The following CAMK1D variants were observed in gnomAD, a reference collection of about 807,000 sequenced individuals.
The protein encoded by CAMK1D is calcium/calmodulin dependent protein kinase ID.
CAMK1D carries 9 observed loss-of-function variants against 47.7 expected under a neutral mutation model. The observed-to-expected ratio is 0.19, with a 90% CI of 0.11 to 0.33. The LOEUF is 0.33. CAMK1D is among the 10% of genes least tolerant of loss of function. CAMK1D has a pLI of 1.00. For synonymous variants in CAMK1D, 184 were observed against 184.9 expected (o/e 0.99, Z 0.04); for missense variants, 291 against 488.7 (o/e 0.60, Z 3.81).
At chr10:12,577,190 C>T (rs924298033) in intron 2 of CAMK1D, among the ~76,000 whole-genome samples, 2 of 152,242 alleles carry the variant, frequency 1.3e-5, no homozygotes, top group Non-Finnish European at 2.9e-5. Flanking sequence ...CAAGCCAGGA[C>T]AAGCCCAGGG....
In CAMK1D at chr10:12,574,885, C is replaced by T. The variant is rs913755915; in HGVS notation, c.224+21529C>T. ...AGCGTGAGTGAAGGAGGAGATGCTG[C>T]ACGCTTCTAACAACCAGATCTCACG... On this transcript the variant is annotated intron_variant, in intron 2 of 10. Transcript: ENST00000619168. 5.3e-5 allele frequency among the ~76,000 whole-genome samples: 8 copies of T among 152,034 alleles called. No homozygotes were observed. In the South Asian group the frequency reaches 8.3e-4, roughly 16 times the overall value.
intron 1 of CAMK1D, among the ~76,000 whole-genome samples, chr10:12,464,462 C>G (rs1219448724): frequency 6.6e-6 from 1 of 152,170 alleles, no homozygotes; most frequent in Non-Finnish European, 1.5e-5. Context: ...TACCCTCCCC[C>G]ACCACGTGTA....
At chr10:12,816,199 A>G in intron 7 of CAMK1D, 51 bp from the exon 8 acceptor site, 1 of 1,489,278 alleles carries the variant, frequency 6.7e-7, no homozygotes, top group East Asian at 2.3e-5. Flanking sequence ...TCATATTGTC[A>G]CATCTCAAGT....
At position 12,520,015 on chromosome 10, in the gene CAMK1D, C is replaced by T. The variant is rs1343377109; in HGVS notation, c.93-33210C>T. ...CTCCTCACTTCCCAGTAGGGGCGGC[C>T]GGGCAGAGGAGCCCCTCACCTCCCG... On this transcript the variant is annotated intron_variant, in intron 1 of 10. Transcript: ENST00000619168. 6.0e-5 allele frequency among the ~76,000 whole-genome samples: 4 copies of T among 66,380 alleles called. No homozygotes were observed. In the East Asian group the frequency reaches 1.4e-3, roughly 23 times the overall value. The allele number at this position is 66,380 out of a possible 152,430, so 43.5% of individuals were successfully genotyped here. A position where few individuals can be genotyped will look rare whatever the true frequency, so the allele number is the denominator to read the frequency against.
At chr10:12,390,016 G>A (rs1464222466) in intron 1 of CAMK1D, among the ~76,000 whole-genome samples, 1 of 152,124 alleles carries the variant, frequency 6.6e-6, no homozygotes, top group Admixed American at 6.6e-5. Context: ...TTAACTTTTG[G>A]AGGTGGCTGG....
At chr10:12,413,540 A>T in intron 1 of CAMK1D, among the ~76,000 whole-genome samples, 1 of 151,840 alleles carries the variant, frequency 6.6e-6, no homozygotes, top group East Asian at 1.9e-4. Context: ...GATGATGATG[A>T]GTATGATGGT....
At chr10:12,374,116 C>G (rs1007330905) in intron 1 of CAMK1D, among the ~76,000 whole-genome samples, 1 of 151,274 alleles carries the variant, frequency 6.6e-6, no homozygotes, top group Non-Finnish European at 1.5e-5. Context: ...AGAAATTAGC[C>G]AGGTGTCATG....
chr10:12,710,564 A>G lies in CAMK1D; in HGVS notation c.299+43754A>G, dbSNP rs548972899. 2.7e-4 allele frequency among the ~76,000 whole-genome samples: 41 copies of G among 152,332 alleles called. No homozygotes were observed. The East Asian group carries it at 7.3e-3, about 27-fold the overall frequency. ...CAGTGGCTTGAGAGACCAGGTGTAC[A>G]GACTTCTTTCGGGCTCAGGTCCTGC... On this transcript the variant is annotated intron_variant, in intron 3 of 10. Coordinates refer to ENST00000619168, the MANE Select transcript of CAMK1D (RefSeq NM_153498.4).
At chr10:12,515,968 G>C (rs1325642099) in intron 1 of CAMK1D, among the ~76,000 whole-genome samples, 2 of 151,986 alleles carry the variant, frequency 1.3e-5, no homozygotes, top group South Asian at 2.1e-4. Context: ...CTTTCTCTTA[G>C]CATAATTTCT....
chr10:12,429,318 C>G (rs991954228), intron 1 of CAMK1D, among the ~76,000 whole-genome samples: 2 of 152,028 alleles, frequency 1.3e-5, no homozygotes, highest in Admixed American at 6.6e-5. Context: ...GTCCCATGCT[C>G]TCTTCCCCTT....
At chr10:12,530,674 A>C (rs1301464199) in intron 1 of CAMK1D, among the ~76,000 whole-genome samples, 1 of 152,162 alleles carries the variant, frequency 6.6e-6, no homozygotes, top group Non-Finnish European at 1.5e-5. Context: ...GGTTCCCCCT[A>C]GTTTCTGCCA....
chr10:12,700,473 C>T (rs1292975978), intron 3 of CAMK1D, among the ~76,000 whole-genome samples: 3 of 152,130 alleles, frequency 2.0e-5, no homozygotes, highest in Non-Finnish European at 4.4e-5. Context: ...CCACTGGGCC[C>T]TCCCACCACA....
chr10:12,457,128 C>T (rs923227336), intron 1 of CAMK1D, among the ~76,000 whole-genome samples: 4 of 152,130 alleles, frequency 2.6e-5, no homozygotes, highest in South Asian at 4.1e-4. Flanking sequence ...TGGTGGCTCA[C>T]GCCTGTAATC....
intron 1 of CAMK1D, among the ~76,000 whole-genome samples, chr10:12,463,147 T>TC (rs1418012601): frequency 6.7e-6 from 1 of 150,314 alleles, no homozygotes; most frequent in Non-Finnish European, 1.5e-5. Context: ...TTTTTTTTTT[T>TC]CCTCCTGAAA....
Position 12,535,727 on chromosome 10 carries a change from T to A in CAMK1D, c.93-17498T>A, listed in dbSNP as rs552282776. Among the ~76,000 whole-genome samples, 15 of 152,310 alleles carry A rather than the reference T, an allele frequency of 9.8e-5. No homozygotes were observed. In the East Asian group the frequency reaches 2.9e-3, roughly 29 times the overall value. On this transcript the variant is annotated intron_variant, in intron 1 of 10. Transcript: ENST00000619168. ...TTGATTTTGGCTGGCAGAGTTGAGT[T>A]CTCTTGCCTCTGAGTTCTTGTAATG...
Position 12,616,556 on chromosome 10 carries a change from C to T in CAMK1D, c.225-50180C>T, listed in dbSNP as rs555292967. Among the ~76,000 whole-genome samples, 82 of 152,286 alleles carry T rather than the reference C, an allele frequency of 5.4e-4. No homozygotes were observed. In the East Asian group the frequency reaches 0.015, roughly 28 times the overall value. ...TTTTTGAGACGGAGTCTCGCTCTGT[C>T]TCCCAGGCTGGGGTGCAGTGGTGTG... is the stretch of plus-strand genomic sequence containing the variant. On this transcript the variant is annotated intron_variant, in intron 2 of 10. Coordinates refer to ENST00000619168, the MANE Select transcript of CAMK1D (RefSeq NM_153498.4).
chr10:12,504,281 G>C (rs1011601835), intron 1 of CAMK1D, among the ~76,000 whole-genome samples: 2 of 151,122 alleles, frequency 1.3e-5, no homozygotes, highest in Admixed American at 6.6e-5. Context: ...GAAAGCCAGC[G>C]GTATAATTCA....
At chr10:12,768,988 G>A (rs576340388) in intron 4 of CAMK1D, among the ~76,000 whole-genome samples, 1 of 152,218 alleles carries the variant, frequency 6.6e-6, no homozygotes, top group Non-Finnish European at 1.5e-5. Context: ...GGCCTTTGCT[G>A]TGCATTCCTG....
intron 4 of CAMK1D, among the ~76,000 whole-genome samples, chr10:12,761,814 A>G (rs1369333845): frequency 6.6e-6 from 1 of 152,206 alleles, no homozygotes. Context: ...TGAACCCAGG[A>G]GGCGAAGGTT....
Sources: gnomAD v4.1 joint callset for allele counts (sites outside exome capture counted in the v4.1 genomes callset) on GRCh38, gnomAD v4.1.1 for gene constraint, MANE v1.5 for transcripts, NCBI Gene and HGNC (gene_info 2026-07-23, HGNC 2026-07-21) for gene names.